ABCC4: variants seen among roughly 807,000 people sequenced by gnomAD.
ABCC4 encodes ATP binding cassette subfamily C member 4 (PEL blood group).
Under a neutral mutation model 168.5 loss-of-function variants are expected in ABCC4, and 102 were observed. The observed-to-expected ratio is 0.61, with a 90% confidence interval of 0.52 to 0.71. The LOEUF is 0.71. Ranked by LOEUF, ABCC4 falls within the 30% of genes least tolerant of loss-of-function variation. The pLI is 0.00. For synonymous variants in ABCC4, 617 were observed against 590.7 expected (o/e 1.04, Z -0.65); for missense variants, 1,402 against 1,605.8 (o/e 0.87, Z 2.17).
intron 19 of ABCC4, among the ~76,000 whole-genome samples, chr13:95,160,379 TG>T (rs1309804831): frequency 2.0e-5 from 3 of 152,052 alleles, no homozygotes; most frequent in African/African-American, 7.2e-5. Flanking sequence ...CTGAGCAGGG[TG>T]GGGACTTATA....
At chr13:95,201,404 C>T (rs1008455857) in intron 8 of ABCC4, among the ~76,000 whole-genome samples, 51 of 152,150 alleles carry the variant, frequency 3.4e-4, no homozygotes, top group African/African-American at 9.9e-4. Flanking sequence ...CAGCAGAGAA[C>T]GACAGTCATC....
At chr13:95,103,598 T>C (rs1240914869) in intron 20 of ABCC4, among the ~76,000 whole-genome samples, 1 of 152,186 alleles carries the variant, frequency 6.6e-6, no homozygotes, top group Non-Finnish European at 1.5e-5. Flanking sequence ...TCCTGCAGTG[T>C]GGGCCCCCTA....
intron 1 of ABCC4, among the ~76,000 whole-genome samples, chr13:95,259,602 G>A (rs1386353858): frequency 6.6e-6 from 1 of 152,132 alleles, no homozygotes; most frequent in African/African-American, 2.4e-5. Flanking sequence ...TTGCCAGGGT[G>A]GCAAAATCAC....
intron 19 of ABCC4, among the ~76,000 whole-genome samples, chr13:95,151,569 A>G (rs9741835): frequency 1.4e-5 from 2 of 147,392 alleles, no homozygotes; most frequent in Admixed American, 6.8e-5. Flanking sequence ...GGAGAAGGAG[A>G]AGAAGGAGGA....
At chr13:95,160,965 A>G (rs2037077257) in intron 19 of ABCC4, among the ~76,000 whole-genome samples, 1 of 152,124 alleles carries the variant, frequency 6.6e-6, no homozygotes, top group Non-Finnish European at 1.5e-5. Context: ...TTCCACACAC[A>G]TATAAATTGG....
chr13:95,166,093 A>G, intron 15 of ABCC4, 65 bp downstream of exon 15: 1 of 1,402,960 alleles, frequency 7.1e-7, no homozygotes, highest in Non-Finnish European at 1.0e-6. Context: ...AGAGTAGACC[A>G]AAGATCCATA....
chr13:95,183,451 T>A (rs1290587703), intron 11 of ABCC4, among the ~76,000 whole-genome samples: 1 of 152,162 alleles, frequency 6.6e-6, no homozygotes, highest in Non-Finnish European at 1.5e-5. Flanking sequence ...GCAAATGATC[T>A]CATAACTCAT....
rs148852492 is a variant in ABCC4 at position 95,034,916 on chromosome 13, T to C, written c.3736-177A>G. On this transcript the variant is annotated intron_variant, in intron 29 of 30. Coordinates refer to ENST00000645237, the MANE Select transcript of ABCC4 (RefSeq NM_005845.5). ...TTACGAAGCAAACAAAGGCCTAACC[T>C]GACCTTTTATTACTATAATGTTATA... Among the ~76,000 whole-genome samples the C allele has an allele frequency of 1.3e-4, 20 of 152,308 alleles. No homozygotes were observed. The East Asian group carries it at 3.7e-3, about 28-fold the overall frequency.
At chr13:95,041,288 TA>T (rs1051409790) in intron 29 of ABCC4, among the ~76,000 whole-genome samples, 2 of 152,226 alleles carry the variant, frequency 1.3e-5, no homozygotes, top group African/African-American at 4.8e-5. Flanking sequence ...TGATGGCGCT[TA>T]ATGAACCAAA....
At chr13:95,212,920 G>A (rs2039003358) in intron 4 of ABCC4, among the ~76,000 whole-genome samples, 1 of 152,066 alleles carries the variant, frequency 6.6e-6, no homozygotes, top group Non-Finnish European at 1.5e-5. Context: ...CTGAGGTCGG[G>A]AGTTCGAGAC....
At chr13:95,174,676 C>T (rs1351847129) in intron 13 of ABCC4, among the ~76,000 whole-genome samples, 1 of 152,224 alleles carries the variant, frequency 6.6e-6, no homozygotes, top group Non-Finnish European at 1.5e-5. Flanking sequence ...TCCTTCCCCG[C>T]GGCGACTCTA....
At chr13:95,123,526 A>T (rs2035649791) in intron 19 of ABCC4, among the ~76,000 whole-genome samples, 1 of 151,934 alleles carries the variant, frequency 6.6e-6, no homozygotes, top group Non-Finnish European at 1.5e-5. Flanking sequence ...CACACCCAGC[A>T]AATTTTTGTA....
In ABCC4 at chr13:95,130,923, G is replaced by A. The variant is rs539443252; in HGVS notation, c.2456-14922C>T. Reference sequence around the variant, plus strand: ...TTCCCCACAGGCATCCTAGAAATACGAACAAGAAAATGCTTTTTTTTCTCC... The same window carrying A: ...TTCCCCACAGGCATCCTAGAAATACAAACAAGAAAATGCTTTTTTTTCTCC... On this transcript the variant is annotated intron_variant, in intron 19 of 30. Coordinates refer to ENST00000645237, the MANE Select transcript of ABCC4 (RefSeq NM_005845.5). Among the ~76,000 whole-genome samples the A allele has an allele frequency of 1.3e-3, 198 of 152,166 alleles. 3 individuals are homozygous for A. Among genetic ancestry groups the A allele is most frequent in the African/African-American group, 4.6e-3 (189 of 41,514 alleles).
intron 3 of ABCC4, among the ~76,000 whole-genome samples, chr13:95,245,639 A>G (rs1032835726): frequency 6.6e-6 from 1 of 152,160 alleles, no homozygotes; most frequent in East Asian, 1.9e-4. Flanking sequence ...CCACAGTAGC[A>G]TGCAGGCAGG....
chr13:95,288,841 A>G (rs1317733960), intron 1 of ABCC4, among the ~76,000 whole-genome samples: 1 of 152,184 alleles, frequency 6.6e-6, no homozygotes, highest in Non-Finnish European at 1.5e-5. Flanking sequence ...AATATGTACT[A>G]GGAACTTACA....
At chr13:95,180,691 T>C (rs2037861515) in intron 11 of ABCC4, among the ~76,000 whole-genome samples, 1 of 152,212 alleles carries the variant, frequency 6.6e-6, no homozygotes, top group Non-Finnish European at 1.5e-5. Flanking sequence ...CTCATTCCAT[T>C]GCTGATGGTC....
Position 95,166,305 on chromosome 13 carries a change from G to A in ABCC4, c.1887C>T (p.Ser629=). Reference sequence around the variant, plus strand: ...TTTCCTCATTATCCTTCTTTAAAAGGGAGCCAAAATCTATACCAGATTTTA... The same window carrying A: ...TTTCCTCATTATCCTTCTTTAAAAGAGAGCCAAAATCTATACCAGATTTTA... ...EFLKSGIDFG[S]LLKKDNEESE... is the part of the protein sequence containing the mutation. The change falls in exon 15 of 31, where the codon TCC becomes TCT. Residue 629 remains serine, a synonymous_variant. Transcript: ENST00000645237. The A allele has an allele frequency of 1.2e-6, 2 of 1,613,860 alleles. No homozygotes were observed. Among genetic ancestry groups the A allele is most frequent in the Non-Finnish European group, 1.7e-6 (2 of 1,180,004 alleles).
chr13:95,221,419 G>A (rs576951749), intron 4 of ABCC4, among the ~76,000 whole-genome samples: 1 of 152,182 alleles, frequency 6.6e-6, no homozygotes, highest in African/African-American at 2.4e-5. Context: ...TGTAGAAACA[G>A]GGTTTCACTA....
At chr13:95,069,574 C>G (rs143843600) in intron 25 of ABCC4, among the ~76,000 whole-genome samples, 1 of 152,262 alleles carries the variant, frequency 6.6e-6, no homozygotes, top group African/African-American at 2.4e-5. Flanking sequence ...CTCCATTTAT[C>G]TTGTAAAACT....
Sources: gnomAD v4.1 joint callset for allele counts (sites outside exome capture counted in the v4.1 genomes callset) on GRCh38, gnomAD v4.1.1 for gene constraint, MANE v1.5 for transcripts, NCBI Gene and HGNC (gene_info 2026-07-23, HGNC 2026-07-21) for gene names.